The following MTFR1 variants were observed in gnomAD, a reference collection of about 807,000 sequenced individuals.
MTFR1 encodes mitochondrial fission regulator 1, also known as chondrocyte protein with a poly-proline region.
In MTFR1, 28 loss-of-function variants were observed where a neutral mutation model predicts 38.8. The observed-to-expected ratio is 0.72, with a 90% CI of 0.53 to 0.99. The LOEUF (loss-of-function observed/expected upper bound fraction) is 0.99. Ranked by LOEUF, MTFR1 falls within the 50% of genes least tolerant of loss-of-function variation. MTFR1 has a pLI of 0.00. For missense variants in MTFR1, 358 were observed against 395.5 expected (o/e 0.91, Z 0.81); for synonymous variants, 145 against 137.0 (o/e 1.06, Z -0.41).
intron 2 of MTFR1, among the ~76,000 whole-genome samples, chr8:65,674,445 CTACAAAAAT>C (rs759360814): frequency 1.3e-5 from 2 of 151,602 alleles, no homozygotes; most frequent in Non-Finnish European, 2.9e-5. Context: ...GACACGATCT[CTACAAAAAT>C]TACAAAAATT....
chr8:65,707,741 T>G (rs1047578133), intron 6 of MTFR1, 102 bp from the exon 7 acceptor site: 14 of 1,416,980 alleles, frequency 9.9e-6, no homozygotes, highest in African/African-American at 8.6e-5. Flanking sequence ...GGAGTAGCTA[T>G]GATGCTGGAG....
At chr8:65,683,006 T>A in intron 3 of MTFR1, 1 of 843,712 alleles carries the variant, frequency 1.2e-6, no homozygotes, top group Non-Finnish European at 1.4e-6. Flanking sequence ...CTTTTGAAAG[T>A]CTTAGTCTTA....
downstream of MTFR1, among the ~76,000 whole-genome samples, chr8:65,776,021 T>G (rs1809250612): frequency 6.6e-6 from 1 of 152,160 alleles, no homozygotes; most frequent in Non-Finnish European, 1.5e-5. Context: ...AAATTCACTT[T>G]AATTTCAGGC....
rs767497648 is a variant in MTFR1, at chr8:65,707,120, C to T, written c.628C>T (p.Leu210=). 1.3e-6 allele frequency: 2 copies of T among 1,517,386 alleles called. No individual in the cohort carries two copies. The highest frequency in any genetic ancestry group is 1.8e-6 in the Non-Finnish European group (2 of 1,118,250). The allele number at this position is 1,517,386 out of a possible 1,614,324, so 94.0% of individuals were successfully genotyped here. The stretch of plus-strand genomic sequence containing the variant: ...CCACCAAAGTACATCTGCTGTTGAT[C>T]TGATTAAAGAACGAAGAGAGAAAAG... ...GLHQSTSAVD[L]IKERREKRAN... is the part of the protein sequence containing the mutation. Residue 210 remains leucine, a synonymous_variant, in exon 6 of 8, where the codon CTG becomes TTG. Transcript: ENST00000262146.
intron 3 of MTFR1, among the ~76,000 whole-genome samples, chr8:65,729,964 C>A (rs1806784104): frequency 6.6e-6 from 1 of 151,864 alleles, no homozygotes. Flanking sequence ...ACAAGGCGGT[C>A]CTCGCAGGGC....
At chr8:65,680,899 CT>C (rs1199113408) in intron 2 of MTFR1, among the ~76,000 whole-genome samples, 3,009 of 93,702 alleles carry the variant, frequency 0.032, 14 homozygotes, top group Non-Finnish European at 0.046. Flanking sequence ...AAGCAGTTCT[CT>C]TTTTTTTTTT....
At chr8:65,665,567 T>C (rs1216790688) in intron 1 of MTFR1, among the ~76,000 whole-genome samples, 1 of 152,264 alleles carries the variant, frequency 6.6e-6, no homozygotes, top group Non-Finnish European at 1.5e-5. Flanking sequence ...CATTTCCTTA[T>C]ATGATAGTCA....
rs139293540 is a variant in MTFR1, at chr8:65,761,003, A to G, written c.*49-9944A>G. Reference sequence around the variant, plus strand: ...TAGTACTTTCATCCGAACAATTACTAAAAAGCTCACCCTCTGGCTGTATTA... The same window carrying G: ...TAGTACTTTCATCCGAACAATTACTGAAAAGCTCACCCTCTGGCTGTATTA... On this transcript the variant is annotated intron_variant, in intron 3 of 3. Coordinates refer to the MTFR1 transcript ENST00000521247. Among the ~76,000 whole-genome samples the G allele has an allele frequency of 1.1e-3, 174 of 152,338 alleles. 1 individual carries two copies. The highest frequency in any genetic ancestry group is 4.0e-3 in the African/African-American group (168 of 41,574).
intron 2 of MTFR1, chr8:65,679,404 G>C (rs539656040): frequency 1.3e-5 from 2 of 152,130 alleles, no homozygotes; most frequent in African/African-American, 4.8e-5. Context: ...TCAAGAGTTC[G>C]GGACCAGCCT....
chr8:65,759,316 T>G (rs75770786), intron 3 of MTFR1, among the ~76,000 whole-genome samples: 5,577 of 152,284 alleles, frequency 0.037, 159 homozygotes, highest in African/African-American at 0.073. Flanking sequence ...CAGATGCCAC[T>G]GGGGGAAACC....
At chr8:65,714,991 G>A (rs1806075172), downstream of MTFR1, among the ~76,000 whole-genome samples, 1 of 151,908 alleles carries the variant, frequency 6.6e-6, no homozygotes, top group South Asian at 2.1e-4. Context: ...TTTAAAGTTA[G>A]GACTTGTCAA....
At chr8:65,747,954 C>T in intron 3 of MTFR1, 1 of 480,402 alleles carries the variant, frequency 2.1e-6, no homozygotes, top group Non-Finnish European at 3.6e-6. Context: ...TACTTTATTT[C>T]TATTTTATTT....
downstream of MTFR1, among the ~76,000 whole-genome samples, chr8:65,715,063 G>A (rs1806077318): frequency 6.6e-6 from 1 of 152,202 alleles, no homozygotes; most frequent in East Asian, 1.9e-4. Context: ...CTGAAATGTT[G>A]AGCCAAGAGG....
intron 1 of MTFR1, among the ~76,000 whole-genome samples, chr8:65,661,494 G>A (rs556675256): frequency 5.9e-5 from 9 of 151,732 alleles, no homozygotes; most frequent in South Asian, 2.1e-4. Flanking sequence ...AAAATTAGCC[G>A]GGTGCTGTGG....
At chr8:65,739,008 T>C (rs1160234851) in intron 3 of MTFR1, among the ~76,000 whole-genome samples, 2 of 152,206 alleles carry the variant, frequency 1.3e-5, no homozygotes, top group African/African-American at 2.4e-5. Flanking sequence ...CTGTGGCCAC[T>C]TGCTGCATGC....
chr8:65,679,884 A>G (rs910561773), intron 2 of MTFR1, among the ~76,000 whole-genome samples: 1 of 152,158 alleles, frequency 6.6e-6, no homozygotes, highest in African/African-American at 2.4e-5. Context: ...TTGCTTCTTA[A>G]CATTCTTTGT....
chr8:65,755,001 C>A (rs1456364831), intron 3 of MTFR1, among the ~76,000 whole-genome samples: 2 of 149,942 alleles, frequency 1.3e-5, no homozygotes, highest in Admixed American at 6.7e-5. Flanking sequence ...TCCATCATTG[C>A]CTGTTTATTT....
At position 65,735,465 on chromosome 8, in the gene MTFR1, T is replaced by C. The variant is rs562838710; in HGVS notation, c.*48+15984T>C. Reference sequence around the variant, plus strand: ...TTGGAACCACAGGTGCATGCCACCATGTCTGGCTCATTTTTTTGTATTTTT... The same window carrying C: ...TTGGAACCACAGGTGCATGCCACCACGTCTGGCTCATTTTTTTGTATTTTT... On this transcript the variant is annotated intron_variant, in intron 3 of 3. Transcript: ENST00000521247. Among the ~76,000 whole-genome samples, 3 of 152,138 alleles carry C rather than the reference T, an allele frequency of 2.0e-5. No homozygotes were observed. The South Asian group carries it at 6.2e-4, about 32-fold the overall frequency.
intron 3 of MTFR1, among the ~76,000 whole-genome samples, chr8:65,733,582 T>C (rs530595560): frequency 6.6e-6 from 1 of 152,010 alleles, no homozygotes; most frequent in South Asian, 2.1e-4. Flanking sequence ...ATCACGCCAC[T>C]GCACTCCAGC....
Sources: allele counts gnomAD v4.1 joint callset (sites outside exome capture counted in the v4.1 genomes callset), GRCh38; gene constraint gnomAD v4.1.1; transcripts MANE v1.5; gene names NCBI Gene and HGNC (gene_info 2026-07-23, HGNC 2026-07-21).